The following NUDT13 variants were observed in gnomAD, a reference collection of about 807,000 sequenced individuals.
The protein encoded by NUDT13 is NAD(P)H pyrophosphatase NUDT13, mitochondrial.
Under a neutral mutation model 41.7 loss-of-function variants are expected in NUDT13, and 40 were observed. That is an observed-to-expected ratio of 0.96 (90% confidence interval 0.75 to 1.25). The LOEUF is 1.25. Among genes scored for constraint, NUDT13 ranks in the 50% most tolerant of loss-of-function variants. NUDT13 has a pLI of 0.00. For synonymous variants in NUDT13, 145 were observed against 155.5 expected (o/e 0.93, Z 0.50); for missense variants, 390 against 416.1 (o/e 0.94, Z 0.55).
chr10:73,118,802 G>A (rs138932847), intron 2 of NUDT13, among the ~76,000 whole-genome samples: 371 of 151,838 alleles, frequency 2.4e-3, no homozygotes, highest in Non-Finnish European at 3.8e-3. Flanking sequence ...ATGAAACCCC[G>A]TCTCTACTAA....
chr10:73,126,580 T>C, intron 7 of NUDT13, 93 bp from the exon 8 acceptor site: 1 of 1,391,194 alleles, frequency 7.2e-7, no homozygotes, highest in South Asian at 1.4e-5. Flanking sequence ...CATTGAAACT[T>C]TGGAGCCAGT....
At chr10:73,116,039 GCT>G (rs1842498664) in intron 2 of NUDT13, among the ~76,000 whole-genome samples, 1 of 151,472 alleles carries the variant, frequency 6.6e-6, no homozygotes, top group African/African-American at 2.4e-5. Flanking sequence ...ACAGGATCTT[GCT>G]CTGTCACACA....
chr10:73,130,274 G>A (rs7922250), intron 8 of NUDT13: 29,761 of 151,506 alleles, frequency 0.2, 5,287 homozygotes, highest in African/African-American at 0.46. Flanking sequence ...CATCCTGGCT[G>A]ACACGGTGAA....
Position 73,114,339 on chromosome 10 carries a change from C to CG in NUDT13, c.-9-18_-9-17insG. On this transcript the variant is annotated splice_polypyrimidine_tract_variant and intron_variant, in intron 1 of 8. Transcript: ENST00000357321. The stretch of plus-strand genomic sequence containing the variant: ...CATATTATGACTTTTTTTAAAACTC[C>CG]TTTTTTTTTTTTTTAAGGACCTGAC... The CG allele has an allele frequency of 9.2e-7, 1 of 1,081,226 alleles. No individual in the cohort carries two copies. The highest frequency in any genetic ancestry group is 1.3e-6 in the Non-Finnish European group (1 of 772,904). The allele number at this position is 1,081,226 out of a possible 1,614,324, so 67.0% of individuals were successfully genotyped here.
At position 73,130,907 on chromosome 10, in the gene NUDT13, G is replaced by A. The variant is rs370215357; in HGVS notation, c.*4G>A. ...CTGTTCTTCCCTGCCTGCTTAGCCC[G>A]GATCAAGTCACTTAGATCGCTCCTT... is the stretch of plus-strand genomic sequence containing the variant. On this transcript the variant is annotated 3_prime_UTR_variant, in exon 9 of 9. Transcript: ENST00000357321. The A allele has an allele frequency of 6.5e-5, 105 of 1,611,326 alleles. No homozygotes were observed. The highest frequency in any genetic ancestry group is 5.1e-4 in the East Asian group (23 of 44,862).
chr10:73,122,906 T>C (rs1842681219), intron 4 of NUDT13, among the ~76,000 whole-genome samples: 2 of 149,694 alleles, frequency 1.3e-5, no homozygotes, highest in Non-Finnish European at 3.0e-5. Flanking sequence ...ATTTCTTTTT[T>C]TTTTTTTTTT....
rs1842611767 is a variant in NUDT13, at chr10:73,120,218, C to T, written c.223+61C>T. The T allele has an allele frequency of 3.3e-6, 5 of 1,513,890 alleles. No individual in the cohort carries two copies. The East Asian group carries it at 6.9e-5, about 21-fold the overall frequency. 93.8% of individuals were successfully genotyped at this position (1,513,890 alleles called of 1,614,324 possible). A position where few individuals can be genotyped will look rare whatever the true frequency, so the allele number is the denominator to read the frequency against. The stretch of plus-strand genomic sequence containing the variant: ...TGTGGCCACTACGCAGAATTCAGCC[C>T]ATAATGAATTCTAAGAAAGATCCTT... On this transcript the variant is annotated intron_variant, in intron 3 of 8. Coordinates refer to ENST00000357321, the MANE Select transcript of NUDT13 (RefSeq NM_015901.6).
intron 5 of NUDT13, 153 bp from the exon 6 acceptor site, chr10:73,124,965 G>C (rs1363749422): frequency 6.7e-6 from 5 of 747,770 alleles, no homozygotes; most frequent in Non-Finnish European, 1.0e-5. Flanking sequence ...TAGTTTACTT[G>C]TCCTGAAATT....
At chr10:73,125,305 A>G in intron 6 of NUDT13, 62 bp downstream of exon 6, 1 of 1,603,272 alleles carries the variant, frequency 6.2e-7, no homozygotes, top group Non-Finnish European at 8.5e-7. Context: ...GTCCTGGGGA[A>G]GGAAGCCTGT....
At chr10:73,125,035 G>T (rs950977438) in intron 5 of NUDT13, 83 bp from the exon 6 acceptor site, 1 of 1,466,432 alleles carries the variant, frequency 6.8e-7, no homozygotes, top group Non-Finnish European at 9.1e-7. Context: ...TCTGTGAGTT[G>T]TTCCAGACAC....
In NUDT13 at chr10:73,114,374, G is replaced by A. The variant is rs1842447506; in HGVS notation, c.9G>A (p.Leu3=). Reference sequence around the variant, plus strand: ...TTTTTAAGGACCTGACAATGTCCCTGTATTGTGGAATAGCTTGCAGGAGAA... The same window carrying A: ...TTTTTAAGGACCTGACAATGTCCCTATATTGTGGAATAGCTTGCAGGAGAA... The part of the protein sequence containing the change: MS[L]YCGIACRRKF... Residue 3 remains leucine (L), a synonymous_variant, in exon 2 of 9, where the codon CTG becomes CTA. Coordinates refer to ENST00000357321, the MANE Select transcript of NUDT13 (RefSeq NM_015901.6). The A allele has an allele frequency of 1.9e-6, 3 of 1,550,856 alleles. No individual in the cohort carries two copies. The highest frequency in any genetic ancestry group is 1.2e-5 in the South Asian group (1 of 84,908).
intron 8 of NUDT13, chr10:73,130,481 T>TAC (rs1211206686): frequency 4.4e-6 from 1 of 228,962 alleles, no homozygotes; most frequent in East Asian, 8.5e-5. Flanking sequence ...AAAATATATA[T>TAC]ATATATACAC....
chr10:73,119,805 A>G (rs1479458451), intron 2 of NUDT13, among the ~76,000 whole-genome samples: 3 of 152,236 alleles, frequency 2.0e-5, no homozygotes, highest in African/African-American at 4.8e-5. Flanking sequence ...GTGCAACCAC[A>G]GAAGTATGGG....
At chr10:73,113,311 G>T (rs1022895731) in intron 1 of NUDT13, among the ~76,000 whole-genome samples, 1 of 152,134 alleles carries the variant, frequency 6.6e-6, no homozygotes, top group Non-Finnish European at 1.5e-5. Context: ...AAAAAGAGAG[G>T]CTTATTATTT....
intron 1 of NUDT13, among the ~76,000 whole-genome samples, chr10:73,111,539 G>A (rs1231121027): frequency 6.6e-6 from 1 of 152,188 alleles, no homozygotes; most frequent in Non-Finnish European, 1.5e-5. Flanking sequence ...AATCATTTGT[G>A]TTGGGGAGTT....
chr10:73,110,525 C>G lies in NUDT13; in HGVS notation c.-52C>G, dbSNP rs772946859. 2.0e-5 allele frequency: 3 copies of G among 152,188 alleles called. No homozygotes were observed. The highest frequency in any genetic ancestry group is 4.4e-5 in the Non-Finnish European group (3 of 68,056). The allele number at this position is 152,188 out of a possible 1,614,324, so 9.4% of individuals were successfully genotyped here. A position where few individuals can be genotyped will look rare whatever the true frequency, so the allele number is the denominator to read the frequency against. On this transcript the variant is annotated 5_prime_UTR_variant, in exon 1 of 9. Transcript: ENST00000357321. Reference sequence around the variant, plus strand: ...AACATTTGGAGTTTCCTCTTTTGTGCTGATTCCTGAGGACTAGGAAGGTGC... The same window carrying G: ...AACATTTGGAGTTTCCTCTTTTGTGGTGATTCCTGAGGACTAGGAAGGTGC...
At chr10:73,110,787 G>A (rs1277252563) in intron 1 of NUDT13, among the ~76,000 whole-genome samples, 2 of 151,940 alleles carry the variant, frequency 1.3e-5, no homozygotes, top group East Asian at 3.9e-4. Flanking sequence ...ATACTTTTTT[G>A]GAGAGTCATT....
intron 8 of NUDT13, chr10:73,130,298 T>C (rs1173555708): frequency 2.0e-5 from 3 of 151,522 alleles, no homozygotes; most frequent in Non-Finnish European, 4.4e-5. Context: ...CTGTCTCTAC[T>C]AAAAAATACA....
At chr10:73,112,095 A>C (rs1842378401) in intron 1 of NUDT13, among the ~76,000 whole-genome samples, 1 of 152,218 alleles carries the variant, frequency 6.6e-6, no homozygotes. Context: ...TCTTGCCTGT[A>C]ATCCCAGCAC....
Sources: allele counts gnomAD v4.1 joint callset (sites outside exome capture counted in the v4.1 genomes callset), GRCh38; gene constraint gnomAD v4.1.1; transcripts MANE v1.5; gene names NCBI Gene and HGNC (gene_info 2026-07-23, HGNC 2026-07-21).